Variants in SIRPG observed in about 807,000 individuals in gnomAD.
The protein encoded by SIRPG is signal-regulatory protein gamma.
In SIRPG, 38 loss-of-function variants were observed where a neutral mutation model predicts 35.7. The observed-to-expected ratio is 1.06, with a 90% CI of 0.82 to 1.40. The LOEUF is 1.40. SIRPG is among the 40% of genes most tolerant of loss of function. The pLI, the probability that SIRPG is intolerant of heterozygous loss-of-function variation, is 0.00. For missense variants in SIRPG, 519 were observed against 483.0 expected, an observed-to-expected ratio of 1.07 and a Z score of -0.70; for synonymous variants, 215 against 190.4, an observed-to-expected ratio of 1.13 and a Z score of -1.06.
upstream of SIRPG, among the ~76,000 whole-genome samples, chr20:1,660,577 A>G (rs186601845): frequency 3.5e-3 from 540 of 152,344 alleles, 1 homozygote; most frequent in African/African-American, 0.012. Flanking sequence ...GTGAACTTCA[A>G]TCCTTCAGTA....
chr20:1,635,139 G>T (rs1295014420), intron 4 of SIRPG, 128 bp downstream of exon 4: 2 of 691,768 alleles, frequency 2.9e-6, no homozygotes, highest in African/African-American at 1.8e-5. Context: ...GTGGGATTTG[G>T]GGGGATGGAG....
In SIRPG at chr20:1,643,578, G is replaced by A. The variant is rs187304112; in HGVS notation, c.430+5474C>T. Among the ~76,000 whole-genome samples, 34 of 152,194 alleles carry A rather than the reference G, an allele frequency of 2.2e-4. No homozygotes were observed. In the East Asian group the frequency reaches 4.2e-3, roughly 19 times the overall value. The stretch of plus-strand genomic sequence containing the variant: ...TTCTGAAGCCTACTTCCGTCAATTC[G>A]TCCATTTCCTCCTTTGTCCAGTTTT... On this transcript the variant is annotated intron_variant, in intron 2 of 5. Coordinates refer to ENST00000303415, the MANE Select transcript of SIRPG (RefSeq NM_018556.4).
Position 1,636,227 on chromosome 20 carries a change from G to T in SIRPG, c.709C>A (p.Pro237Thr). 6.2e-7 allele frequency: 1 copy of T among 1,614,182 alleles called. No homozygotes were observed. The highest frequency in any genetic ancestry group is 8.5e-7 in the Non-Finnish European group (1 of 1,180,026). ...GACAAGTTGGCAGTCCCACGAAGAGGGTCCCCCTGCAAGGTGACATGGGCC... is the reference window on the plus strand; with the variant it reads ...GACAAGTTGGCAGTCCCACGAAGAGTGTCCCCCTGCAAGGTGACATGGGCC... ...EVAHVTLQGD[P>T]LRGTANLSEA... Residue 237 changes from proline to threonine, a missense_variant, in exon 3 of 6, where the codon CCT (proline) becomes ACT (threonine). Pro to Thr is a conservative substitution (Grantham distance 38, BLOSUM62 -1). Coordinates refer to ENST00000303415, the MANE Select transcript of SIRPG (RefSeq NM_018556.4).
chr20:1,679,707 G>A, the SIRPG span, among the ~76,000 whole-genome samples: 2 of 152,094 alleles, frequency 1.3e-5, no homozygotes, highest in African/African-American at 4.8e-5. Flanking sequence ...CCAATCAGCA[G>A]GACTTACTCT....
intron 4 of SIRPG, among the ~76,000 whole-genome samples, chr20:1,633,126 C>T (rs1056202567): frequency 6.6e-6 from 1 of 152,048 alleles, no homozygotes; most frequent in Non-Finnish European, 1.5e-5. Flanking sequence ...ACTCTACACA[C>T]AAAAATATGA....
the SIRPG span, among the ~76,000 whole-genome samples, chr20:1,680,433 T>C: frequency 6.6e-6 from 1 of 152,222 alleles, no homozygotes; most frequent in African/African-American, 2.4e-5. Context: ...TCACCTGATA[T>C]GAAGCGCATT....
chr20:1,640,699 G>A (rs950740285), intron 2 of SIRPG, among the ~76,000 whole-genome samples: 1 of 152,106 alleles, frequency 6.6e-6, no homozygotes, highest in African/African-American at 2.4e-5. Context: ...TTTTCAAGGG[G>A]AATGTTTCCA....
At chr20:1,668,197 T>C in the SIRPG span, among the ~76,000 whole-genome samples, 88 of 31,918 alleles carry the variant, frequency 2.8e-3, 1 homozygote, top group African/African-American at 6.5e-3. Context: ...CTTTTTCTTT[T>C]CTTTTCTTTC....
At chr20:1,654,747 A>C (rs1225985012) in intron 1 of SIRPG, among the ~76,000 whole-genome samples, 1 of 152,232 alleles carries the variant, frequency 6.6e-6, no homozygotes, top group East Asian at 1.9e-4. Flanking sequence ...GTGAAGAGAC[A>C]ACCTATAGAA....
the SIRPG span, among the ~76,000 whole-genome samples, chr20:1,675,116 T>C: frequency 1.3e-5 from 2 of 152,178 alleles, no homozygotes; most frequent in Non-Finnish European, 2.9e-5. Context: ...TAAAACACTA[T>C]GGGCTCCTGA....
At chr20:1,664,607 A>T in the SIRPG span, among the ~76,000 whole-genome samples, 2 of 152,178 alleles carry the variant, frequency 1.3e-5, no homozygotes, top group Non-Finnish European at 2.9e-5. Flanking sequence ...ACTCTGGGGC[A>T]TCAAGGTGGC....
rs756766017 is a variant in SIRPG, at chr20:1,636,415, G to T, written c.521C>A (p.Ser174Tyr). 1 of 1,614,240 alleles carries T rather than the reference G, an allele frequency of 6.2e-7. No individual in the cohort carries two copies. Among genetic ancestry groups the T allele is most frequent in the South Asian group, 1.1e-5 (1 of 91,082 alleles). ...VSFTCESHGFSPRDITLKWFK... is the reference protein window; with the variant it reads ...VSFTCESHGFYPRDITLKWFK... ...CCATTTCAGGGTGATGTCTCTGGGA[G>T]AGAAGCCATGGGACTCACAGGTGAA... The change falls in exon 3 of 6, where the codon TCT (serine) becomes TAT (tyrosine). Residue 174 changes from serine to tyrosine, a missense_variant. Transcript: ENST00000303415.
intron 4 of SIRPG, among the ~76,000 whole-genome samples, chr20:1,632,772 C>T (rs768857385): frequency 2.6e-5 from 4 of 151,892 alleles, no homozygotes; most frequent in East Asian, 1.9e-4. Context: ...CAGCCATAAA[C>T]GGAGGCAAAG....
At chr20:1,636,076 A>G (rs2091797488) in intron 3 of SIRPG, 112 bp downstream of exon 3, 5 of 1,470,690 alleles carry the variant, frequency 3.4e-6, no homozygotes, top group Non-Finnish European at 2.8e-6. Flanking sequence ...GGCGGGCAGT[A>G]TAGTCAGGGA....
intron 2 of SIRPG, 69 bp downstream of exon 2, chr20:1,648,983 G>A: frequency 7.4e-7 from 1 of 1,347,262 alleles, no homozygotes; most frequent in Non-Finnish European, 1.0e-6. Flanking sequence ...GTTGCTCAAA[G>A]AATGGAAGGT....
intron 4 of SIRPG, among the ~76,000 whole-genome samples, chr20:1,631,766 G>T (rs1471751572): frequency 1.3e-5 from 2 of 152,234 alleles, no homozygotes; most frequent in East Asian, 1.9e-4. Context: ...AGTAAGCTGG[G>T]ATGGCGTAAC....
At chr20:1,665,609 T>G in the SIRPG span, among the ~76,000 whole-genome samples, 1 of 152,124 alleles carries the variant, frequency 6.6e-6, no homozygotes, top group Non-Finnish European at 1.5e-5. Context: ...GCTCTCCTAC[T>G]GGAAGGAGGG....
At chr20:1,661,940 A>G (rs1174393807), upstream of SIRPG, among the ~76,000 whole-genome samples, 1 of 152,146 alleles carries the variant, frequency 6.6e-6, no homozygotes, top group African/African-American at 2.4e-5. Context: ...GTAGCTAAGG[A>G]CTGAGCTTGC....
At position 1,655,869 on chromosome 20, in the gene SIRPG, A is replaced by G. The variant is rs2091972048; in HGVS notation, c.73+1773T>C. Reference sequence around the variant, plus strand: ...AATAGAAAGAGAACCAATGATTAAAAATGAAATCTCATCTGTGCATGTACA... The same window carrying G: ...AATAGAAAGAGAACCAATGATTAAAGATGAAATCTCATCTGTGCATGTACA... On this transcript the variant is annotated intron_variant, in intron 1 of 5. Transcript: ENST00000303415. 2.0e-5 allele frequency among the ~76,000 whole-genome samples: 3 copies of G among 152,258 alleles called. No individual in the cohort carries two copies. The South Asian group carries it at 6.2e-4, about 32-fold the overall frequency.
Sources: gnomAD v4.1 joint callset for allele counts (sites outside exome capture counted in the v4.1 genomes callset) on GRCh38, gnomAD v4.1.1 for gene constraint, MANE v1.5 for transcripts, NCBI Gene and HGNC (gene_info 2026-07-23, HGNC 2026-07-21) for gene names.